Variants in STX19 observed in about 807,000 individuals in gnomAD.
STX19 encodes the protein syntaxin-19.
Under a neutral mutation model 24.3 loss-of-function variants are expected in STX19, and 26 were observed. The ratio of observed to expected loss-of-function variants is 1.07; its 90% CI spans 0.78 to 1.48. The LOEUF (loss-of-function observed/expected upper bound fraction) is 1.48. STX19 is among the 40% of genes most tolerant of loss of function. The pLI, the probability that STX19 is intolerant of heterozygous loss-of-function variation, is 0.00. For synonymous variants in STX19, 116 were observed against 106.9 expected, an observed-to-expected ratio of 1.09 and a Z score of -0.52; for missense variants, 367 against 331.9, an observed-to-expected ratio of 1.11 and a Z score of -0.82.
rs1198180373 is a variant in STX19 at position 94,014,623 on chromosome 3, TG to T, written c.646del (p.His216ThrfsTer11). 6.2e-7 allele frequency: 1 copy of T among 1,613,524 alleles called. No individual in the cohort carries two copies. The highest frequency in any genetic ancestry group is 1.7e-5 in the Admixed American group (1 of 59,978). The part of the protein sequence containing the change: ...KAQLSEIEQR[H>X]KELVNLENQI... ...GTTCTCCAAATTAACAAGTTCCTTG[TG>T]TCTCTGTTCAATCTCTGAAAGTTGT... On this transcript the variant is annotated frameshift_variant, in exon 2 of 2. Transcript: ENST00000315099. LOFTEE classifies it high-confidence loss of function.
In STX19 at chr3:94,014,472, C is replaced by A; in HGVS notation, c.798G>T (p.Glu266Asp). 1 of 1,606,216 alleles carries A rather than the reference C, an allele frequency of 6.2e-7. No homozygotes were observed. The highest frequency in any genetic ancestry group is 8.5e-7 in the Non-Finnish European group (1 of 1,177,984). Residue 266 changes from glutamate to aspartate, a missense_variant, in exon 2 of 2, where the codon GAG becomes GAT. Glu to Asp is a conservative substitution (Grantham distance 45). Coordinates refer to ENST00000315099, the MANE Select transcript of STX19 (RefSeq NM_001001850.3). ...TGTATTTTACAGCTAGTCCAAATTT[C>A]TCTTTAGTATTGTTAACATACTCTT... The part of the protein sequence containing the change: ...STKEYVNNTK[E>D]KFGLAVKYKK...
chr3:94,027,067 G>T (rs1291586583), intron 1 of STX19, among the ~76,000 whole-genome samples: 2 of 152,010 alleles, frequency 1.3e-5, no homozygotes, highest in Non-Finnish European at 2.9e-5. Flanking sequence ...TGTATTTATA[G>T]ATTTTTTTAA....
intron 1 of STX19, among the ~76,000 whole-genome samples, chr3:94,020,820 C>T (rs935179468): frequency 5.3e-5 from 8 of 151,968 alleles, no homozygotes; most frequent in East Asian, 1.9e-4. Context: ...TTCAAATAGC[C>T]GGTAATCTTT....
chr3:94,016,649 C>CTTTTT (rs11442452), intron 1 of STX19, among the ~76,000 whole-genome samples: 1 of 142,478 alleles, frequency 7.0e-6, no homozygotes, highest in South Asian at 2.2e-4. Context: ...ATTAAGCTTT[C>CTTTTT]TTTTTTTTTT....
chr3:94,021,238 G>A (rs2076442364), intron 1 of STX19, among the ~76,000 whole-genome samples: 1 of 150,408 alleles, frequency 6.6e-6, no homozygotes, highest in Admixed American at 6.6e-5. Context: ...CTGTTACCCA[G>A]GCTGGAGTGC....
intron 1 of STX19, among the ~76,000 whole-genome samples, chr3:94,028,055 G>A (rs146909484): frequency 0.016 from 2,412 of 152,198 alleles, 58 homozygotes; most frequent in African/African-American, 0.053. Flanking sequence ...AATAATTTTA[G>A]ATCTGTTTTT....
chr3:94,014,755 A>T lies in STX19; in HGVS notation c.515T>A (p.Val172Asp). 6.2e-7 allele frequency: 1 copy of T among 1,613,404 alleles called. No individual in the cohort carries two copies. Among genetic ancestry groups the T allele is most frequent in the Non-Finnish European group, 8.5e-7 (1 of 1,179,766 alleles). Residue 172 changes from valine to aspartate, a missense_variant, in exon 2 of 2, where the codon GTT (valine) becomes GAT (aspartate). Physicochemically the swap from Val to Asp is radical, Grantham distance 152. Coordinates refer to ENST00000315099, the MANE Select transcript of STX19 (RefSeq NM_001001850.3). ...TTCTTCAGACATCTCTTTTCCAGCA[A>T]CTTCAAGCTGACGTAAAATAAATGT... Reference protein sequence around the residue: ...CKTFILRQLEVAGKEMSEEDV... With the variant: ...CKTFILRQLEDAGKEMSEEDV...
rs1339312353 is a variant in STX19 at position 94,015,172 on chromosome 3, A to G, written c.98T>C (p.Val33Ala). 1.2e-6 allele frequency: 2 copies of G among 1,613,714 alleles called. No homozygotes were observed. The highest frequency in any genetic ancestry group is 1.7e-6 in the Non-Finnish European group (2 of 1,179,888). The change falls in exon 2 of 2, where the codon GTG becomes GCG. Residue 33 changes from valine to alanine, a missense_variant. Transcript: ENST00000315099. ...ATAAATAACAGCTTGCTGTAGAAAC[A>G]CCCCTTGTTCCTCTGTTTCTGTAGT... ...VSTTETEEQG[V>A]FLQQAVIYER...
chr3:94,026,250 T>A (rs113601920), intron 1 of STX19, among the ~76,000 whole-genome samples: 6,074 of 152,288 alleles, frequency 0.04, 191 homozygotes, highest in Non-Finnish European at 0.066. Context: ...TTCGCTTTTT[T>A]ACTCTAAAAT....
chr3:94,027,993 A>G (rs1296089189), intron 1 of STX19, among the ~76,000 whole-genome samples: 1 of 152,152 alleles, frequency 6.6e-6, no homozygotes, highest in African/African-American at 2.4e-5. Context: ...TTCAGAGTGA[A>G]ATATAAAAAT....
At chr3:94,023,960 A>T (rs567545686) in intron 1 of STX19, among the ~76,000 whole-genome samples, 1 of 152,296 alleles carries the variant, frequency 6.6e-6, no homozygotes, top group East Asian at 1.9e-4. Context: ...AATAATTTGG[A>T]TCTCACAGAC....
chr3:94,017,015 T>C (rs1477310278), intron 1 of STX19, among the ~76,000 whole-genome samples: 1 of 152,160 alleles, frequency 6.6e-6, no homozygotes, highest in East Asian at 1.9e-4. Context: ...GATGTATGGA[T>C]AGACTAAACT....
rs1276791375 is a variant in STX19 at position 94,014,879 on chromosome 3, T to C, written c.391A>G (p.Arg131Gly). The C allele has an allele frequency of 1.2e-6, 2 of 1,613,992 alleles. No homozygotes were observed. Among genetic ancestry groups the C allele is most frequent in the Non-Finnish European group, 1.7e-6 (2 of 1,179,942 alleles). ...VENGPSSVVTRILKSQHAAMF... is the reference protein window; with the variant it reads ...VENGPSSVVTGILKSQHAAMF... ...GCAGCATGCTGAGATTTAAGTATCC[T>C]TGTGACCACTGAAGATGGACCATTT... is the stretch of plus-strand genomic sequence containing the variant. The change falls in exon 2 of 2, where the codon AGG (arginine) becomes GGG (glycine). Residue 131 changes from arginine to glycine, a missense_variant. By Grantham distance (125) the Arg-to-Gly change is moderately radical. Transcript: ENST00000315099.
Position 94,026,805 on chromosome 3 carries a change from A to G in STX19, c.-14+1562T>C, listed in dbSNP as rs184743589. Among the ~76,000 whole-genome samples, 313 of 152,268 alleles carry G rather than the reference A, an allele frequency of 2.1e-3. No individual in the cohort carries two copies. The Middle Eastern group carries it at 0.024, about 12-fold the overall frequency. On this transcript the variant is annotated intron_variant, in intron 1 of 1. Coordinates refer to ENST00000315099, the MANE Select transcript of STX19 (RefSeq NM_001001850.3). ...ATTATGTTTAACTTGCAGCATTGCT[A>G]TACAGTTTTGAATTTTACTAGCAAG... is the stretch of plus-strand genomic sequence containing the variant.
chr3:94,026,794 G>A (rs974255565), intron 1 of STX19, among the ~76,000 whole-genome samples: 1 of 152,058 alleles, frequency 6.6e-6, no homozygotes, highest in South Asian at 2.1e-4. Context: ...TGTTTAACTT[G>A]CAGCATTGCT....
rs1184291436 is a variant in STX19 at position 94,028,531 on chromosome 3, C to G, written c.-178G>C. The G allele has an allele frequency of 2.0e-5, 3 of 152,100 alleles. No homozygotes were observed. Among genetic ancestry groups the G allele is most frequent in the Middle Eastern group, 3.2e-3 (1 of 316 alleles). The allele number at this position is 152,100 out of a possible 1,614,324, so 9.4% of individuals were successfully genotyped here. On this transcript the variant is annotated 5_prime_UTR_variant, in exon 1 of 2. Coordinates refer to ENST00000315099, the MANE Select transcript of STX19 (RefSeq NM_001001850.3). ...AGTTTTCATGTTGTTAATTTGAAAG[C>G]CAAATAATGAAGTCAAATAAGAGAT...
intron 1 of STX19, among the ~76,000 whole-genome samples, chr3:94,027,683 C>G (rs1350996030): frequency 6.6e-6 from 1 of 151,996 alleles, no homozygotes; most frequent in Non-Finnish European, 1.5e-5. Flanking sequence ...TTGAAAGTAT[C>G]TAACCTATCT....
At chr3:94,016,028 G>A (rs774210748) in intron 1 of STX19, among the ~76,000 whole-genome samples, 5 of 152,018 alleles carry the variant, frequency 3.3e-5, no homozygotes, top group Non-Finnish European at 5.9e-5. Context: ...TATTTTAGGA[G>A]TAATAATGAT....
intron 1 of STX19, among the ~76,000 whole-genome samples, chr3:94,017,359 C>T (rs1393740938): frequency 6.6e-6 from 1 of 152,150 alleles, no homozygotes. Context: ...ACTTTTCAAA[C>T]AAATATTGCT....
Sources: gnomAD v4.1 joint callset for allele counts (sites outside exome capture counted in the v4.1 genomes callset) on GRCh38, gnomAD v4.1.1 for gene constraint, MANE v1.5 for transcripts, NCBI Gene and HGNC (gene_info 2026-07-23, HGNC 2026-07-21) for gene names.